Variants in CD53 observed in about 807,000 individuals in gnomAD.
The protein encoded by CD53 is CD53 molecule.
Under a neutral mutation model 27.3 loss-of-function variants are expected in CD53, and 20 were observed. The ratio of observed to expected loss-of-function variants is 0.73; its 90% confidence interval spans 0.52 to 1.07. The LOEUF (loss-of-function observed/expected upper bound fraction) is 1.07, where lower values mean the gene tolerates loss of function less well. CD53 is among the 50% of genes least tolerant of loss of function. The pLI is 0.00. For synonymous variants in CD53, 106 were observed against 105.3 expected (o/e 1.01, Z -0.04); for missense variants, 216 against 264.0 (o/e 0.82, Z 1.26).
chr1:110,872,122 G>A (rs1247993084), upstream of CD53, among the ~76,000 whole-genome samples: 2 of 152,192 alleles, frequency 1.3e-5, no homozygotes, highest in East Asian at 3.8e-4. Context: ...AAACATTGGG[G>A]CCCAGTGATT....
chr1:110,878,152 G>A (rs183614615), intron 1 of CD53, among the ~76,000 whole-genome samples: 3 of 152,280 alleles, frequency 2.0e-5, no homozygotes, highest in Admixed American at 6.5e-5. Flanking sequence ...TTGTCAGGCC[G>A]ATTTGAGGAT....
chr1:110,872,813 A>T (rs1359232558), upstream of CD53, among the ~76,000 whole-genome samples: 1 of 152,132 alleles, frequency 6.6e-6, no homozygotes, highest in Non-Finnish European at 1.5e-5. Context: ...GGCCAGGCAT[A>T]CTTCTTTTTG....
intron 1 of CD53, among the ~76,000 whole-genome samples, chr1:110,882,873 C>T (rs1449278926): frequency 6.6e-6 from 1 of 152,008 alleles, no homozygotes; most frequent in East Asian, 1.9e-4. Flanking sequence ...GTTACTAGTG[C>T]ATAGAATGCT....
intron 1 of CD53, 48 bp from the exon 2 acceptor site, chr1:110,891,344 C>T (rs1373857251): frequency 2.4e-6 from 3 of 1,242,386 alleles, no homozygotes; most frequent in Non-Finnish European, 3.6e-6. Context: ...TGATCTCTGG[C>T]TACCTTACAG....
chr1:110,894,404 A>G lies in CD53; in HGVS notation c.327+3A>G, dbSNP rs1417130520. 1 of 1,609,738 alleles carries G rather than the reference A, an allele frequency of 6.2e-7. No homozygotes were observed. The highest frequency in any genetic ancestry group is 2.2e-5 in the East Asian group (1 of 44,858). The stretch of plus-strand genomic sequence containing the variant: ...TGCTCTTTGTATATGAACAGAAGGT[A>G]AGTTATAAAGACAACAACTTATTGT... On this transcript the variant is annotated splice_donor_region_variant and intron_variant, in intron 4 of 7. Coordinates refer to ENST00000271324, the MANE Select transcript of CD53 (RefSeq NM_000560.4).
intron 3 of CD53, among the ~76,000 whole-genome samples, chr1:110,893,239 T>A (rs1311145313): frequency 6.6e-6 from 1 of 152,242 alleles, no homozygotes; most frequent in East Asian, 1.9e-4. Flanking sequence ...TCTAATCACA[T>A]TGGTTCTTCC....
chr1:110,875,668 A>C (rs1172355589), intron 1 of CD53, among the ~76,000 whole-genome samples: 2 of 152,056 alleles, frequency 1.3e-5, no homozygotes, highest in African/African-American at 2.4e-5. Flanking sequence ...AGCTCCTAGG[A>C]CCCATCTGCC....
chr1:110,895,628 A>G (rs1657030416), intron 5 of CD53, among the ~76,000 whole-genome samples: 1 of 152,230 alleles, frequency 6.6e-6, no homozygotes, highest in Admixed American at 6.5e-5. Context: ...AAGAAATGGC[A>G]CAGGAATTAG....
rs549746255 is a variant in CD53, at chr1:110,893,262, G to T, written c.252+729G>T. Among the ~76,000 whole-genome samples the T allele has an allele frequency of 7.9e-4, 120 of 152,232 alleles. No individual in the cohort carries two copies. The Middle Eastern group carries it at 0.01, about 13-fold the overall frequency. On this transcript the variant is annotated intron_variant, in intron 3 of 7. Transcript: ENST00000271324. The stretch of plus-strand genomic sequence containing the variant: ...CATTGGTTCTTCCTTAAATCATTTG[G>T]TTAATCTTTTTTCCATTATGGTTCA...
chr1:110,878,433 A>G (rs1656212584), intron 1 of CD53, among the ~76,000 whole-genome samples: 1 of 152,238 alleles, frequency 6.6e-6, no homozygotes, highest in Non-Finnish European at 1.5e-5. Flanking sequence ...CTGTATATAG[A>G]GAAATGTATA....
intron 2 of CD53, 107 bp from the exon 3 acceptor site, chr1:110,892,238 T>G: frequency 3.5e-6 from 3 of 847,526 alleles, no homozygotes; most frequent in Non-Finnish European, 4.1e-6. Flanking sequence ...GACTCTTGAT[T>G]GAGCCAGTTA....
At chr1:110,889,982 G>A (rs1423206121) in intron 1 of CD53, among the ~76,000 whole-genome samples, 1 of 152,172 alleles carries the variant, frequency 6.6e-6, no homozygotes, top group Non-Finnish European at 1.5e-5. Flanking sequence ...ATATGAGATA[G>A]ATACAAGTAT....
At chr1:110,892,220 G>A in intron 2 of CD53, 125 bp from the exon 3 acceptor site, 1 of 773,316 alleles carries the variant, frequency 1.3e-6, no homozygotes, top group Admixed American at 2.0e-5. Context: ...TAAAGAAATT[G>A]TTCATGAGAC....
intron 1 of CD53, among the ~76,000 whole-genome samples, chr1:110,876,483 C>A (rs1313059704): frequency 6.6e-6 from 1 of 152,070 alleles, no homozygotes; most frequent in South Asian, 2.1e-4. Flanking sequence ...TTTTCCAAAC[C>A]TTTTTGTTTG....
chr1:110,883,167 T>C (rs904530706), intron 1 of CD53, among the ~76,000 whole-genome samples: 22 of 151,976 alleles, frequency 1.4e-4, no homozygotes, highest in Non-Finnish European at 2.9e-4. Context: ...GTTATACCAT[T>C]AAGTATGATG....
intron 1 of CD53, among the ~76,000 whole-genome samples, chr1:110,876,735 G>A (rs1157891669): frequency 1.3e-5 from 2 of 152,050 alleles, no homozygotes; most frequent in Admixed American, 1.3e-4. Flanking sequence ...ATTTTGAGAT[G>A]AGAATCCCTT....
chr1:110,871,569 G>A (rs1228266637), upstream of CD53, among the ~76,000 whole-genome samples: 1 of 152,030 alleles, frequency 6.6e-6, no homozygotes, highest in African/African-American at 2.4e-5. Context: ...GAGAGATCAT[G>A]GCATCTATAT....
intron 1 of CD53, among the ~76,000 whole-genome samples, chr1:110,886,634 A>T: frequency 6.6e-6 from 1 of 151,852 alleles, no homozygotes; most frequent in East Asian, 1.9e-4. Flanking sequence ...GGGTCACTTG[A>T]GGTCAGGCAT....
At chr1:110,896,822 T>C in intron 6 of CD53, 89 bp downstream of exon 6, 1 of 1,095,660 alleles carries the variant, frequency 9.1e-7, no homozygotes, top group Non-Finnish European at 1.3e-6. Flanking sequence ...GACCTAGACC[T>C]TCTATTGAGA....
Sources: gnomAD v4.1 joint callset for allele counts (sites outside exome capture counted in the v4.1 genomes callset) on GRCh38, gnomAD v4.1.1 for gene constraint, MANE v1.5 for transcripts, NCBI Gene and HGNC (gene_info 2026-07-23, HGNC 2026-07-21) for gene names.